The following SPTBN1 variants were observed in gnomAD, a reference collection of about 807,000 sequenced individuals.
SPTBN1 encodes spectrin beta, non-erythrocytic 1.
Under a neutral mutation model 266.4 loss-of-function variants are expected in SPTBN1, and 32 were observed. The observed-to-expected ratio is 0.12, with a 90% CI of 0.09 to 0.16. SPTBN1 has a LOEUF of 0.16. Among genes scored for constraint, SPTBN1 ranks in the 10% least tolerant of loss-of-function variants. The probability of loss-of-function intolerance (pLI) is 1.00; values close to 1 mark genes in which losing one functional copy is unlikely to be tolerated. For synonymous variants in SPTBN1, 1,336 were observed against 1,162.2 expected (o/e 1.15, Z -3.04); for missense variants, 2,296 against 3,067.1 (o/e 0.75, Z 5.94).
intron 1 of SPTBN1, among the ~76,000 whole-genome samples, chr2:54,507,372 A>G (rs1449659492): frequency 1.3e-5 from 2 of 152,050 alleles, no homozygotes; most frequent in Non-Finnish European, 2.9e-5. Flanking sequence ...GGGGGGTGGT[A>G]TGGAGAGATA....
chr2:54,474,294 C>T (rs1667690560), intron 1 of SPTBN1, among the ~76,000 whole-genome samples: 1 of 152,090 alleles, frequency 6.6e-6, no homozygotes. Flanking sequence ...TGGTGATAAC[C>T]TAAAAGTCCA....
At chr2:54,611,761 A>C (rs1285316598) in intron 3 of SPTBN1, among the ~76,000 whole-genome samples, 1 of 152,158 alleles carries the variant, frequency 6.6e-6, no homozygotes, top group Non-Finnish European at 1.5e-5. Context: ...GCAGGTGGCA[A>C]ACCTAATTTT....
At chr2:54,463,765 T>C (rs1693489545) in intron 1 of SPTBN1, among the ~76,000 whole-genome samples, 1 of 152,214 alleles carries the variant, frequency 6.6e-6, no homozygotes, top group South Asian at 2.1e-4. Context: ...TTCTAGCAAA[T>C]AACAATCATT....
In SPTBN1 at chr2:54,645,272, A is replaced by C. The variant is rs1385890976; in HGVS notation, c.4313A>C (p.Glu1438Ala). Residue 1438 changes from glutamate (E) to alanine (A), a missense_variant, in exon 21 of 36, where the codon GAG becomes GCG. Glu to Ala is a moderately radical substitution (Grantham distance 107, BLOSUM62 -1). Around this residue, in one of 12 missense-constraint regions of SPTBN1, gnomAD observed 386 missense variants for 486.1 expected, o/e 0.79. Coordinates refer to ENST00000356805, the MANE Select transcript of SPTBN1 (RefSeq NM_003128.3). This position sits in a 1 kb window ranked among gnomAD's most constrained non-coding sequence, Gnocchi z 4.3. Reference sequence around the variant, plus strand: ...GAAGTGCGGAAGAAGGAGATCGAAGAGCTCCAAAGCCAAGCCCAGGCCCTG... The same window carrying C: ...GAAGTGCGGAAGAAGGAGATCGAAGCGCTCCAAAGCCAAGCCCAGGCCCTG... Reference protein sequence around the residue: ...QMEVRKKEIEELQSQAQALSQ... With the variant: ...QMEVRKKEIEALQSQAQALSQ... The C allele has an allele frequency of 6.2e-7, 1 of 1,614,072 alleles. No individual in the cohort carries two copies. The highest frequency in any genetic ancestry group is 8.5e-7 in the Non-Finnish European group (1 of 1,180,036).
chr2:54,564,147 A>G (rs948704316), intron 2 of SPTBN1, among the ~76,000 whole-genome samples: 1 of 152,240 alleles, frequency 6.6e-6, no homozygotes, highest in Non-Finnish European at 1.5e-5. Context: ...TGCATTAAGA[A>G]TATTGACAGT....
chr2:54,611,241 A>G (rs1259764051), intron 3 of SPTBN1, among the ~76,000 whole-genome samples: 1 of 152,160 alleles, frequency 6.6e-6, no homozygotes, highest in Admixed American at 6.5e-5. Flanking sequence ...CATTCATCTG[A>G]ATCTTTTCAA....
At chr2:54,588,521 T>G (rs1318107058) in intron 2 of SPTBN1, among the ~76,000 whole-genome samples, 1 of 152,154 alleles carries the variant, frequency 6.6e-6, no homozygotes, top group East Asian at 1.9e-4. Flanking sequence ...TTCTGGGTGT[T>G]TATTTGCTAG....
intron 2 of SPTBN1, among the ~76,000 whole-genome samples, chr2:54,581,974 GT>G (rs1353404954): frequency 1.3e-5 from 2 of 152,056 alleles, no homozygotes; most frequent in Non-Finnish European, 2.9e-5. Flanking sequence ...CTGCTCTGTG[GT>G]TTGGTGCATG....
intron 2 of SPTBN1, among the ~76,000 whole-genome samples, chr2:54,596,468 G>A (rs1676099222): frequency 6.6e-6 from 1 of 152,140 alleles, no homozygotes. Context: ...TCCGTTTCCT[G>A]CCCCTCGTGT....
chr2:54,650,086 A>G, intron 26 of SPTBN1, 97 bp downstream of exon 26: 2 of 1,458,022 alleles, frequency 1.4e-6, no homozygotes, highest in Admixed American at 2.2e-5. Context: ...TGGCTCTTCA[A>G]AAGAATTGCC....
At chr2:54,620,348 T>A (rs1355988192) in intron 7 of SPTBN1, among the ~76,000 whole-genome samples, 1 of 152,166 alleles carries the variant, frequency 6.6e-6, no homozygotes, top group African/African-American at 2.4e-5. Context: ...TTGTATTGGG[T>A]GGTAACTTTT....
At chr2:54,486,178 T>C (rs902211114) in intron 1 of SPTBN1, among the ~76,000 whole-genome samples, 2 of 150,588 alleles carry the variant, frequency 1.3e-5, no homozygotes, top group African/African-American at 4.9e-5. Flanking sequence ...TGCTGGGAAG[T>C]GAGGAGCCCC....
intron 1 of SPTBN1, among the ~76,000 whole-genome samples, chr2:54,482,312 C>T (rs1363412973): frequency 6.7e-6 from 1 of 148,712 alleles, no homozygotes; most frequent in African/African-American, 2.5e-5. Context: ...TCCAGAAGTT[C>T]AAGACCAGCT....
At chr2:54,564,944 A>G (rs1390153492) in intron 2 of SPTBN1, among the ~76,000 whole-genome samples, 1 of 152,218 alleles carries the variant, frequency 6.6e-6, no homozygotes, top group Non-Finnish European at 1.5e-5. Context: ...AATATTTGCT[A>G]AAGAGCAAAA....
intron 2 of SPTBN1, among the ~76,000 whole-genome samples, chr2:54,531,629 A>G (rs892721811): frequency 1.2e-4 from 18 of 151,354 alleles, no homozygotes; most frequent in Non-Finnish European, 1.8e-4. Flanking sequence ...TTAATGTAGA[A>G]ATCAGGCCTG....
rs1211721013 is a variant in SPTBN1, at chr2:54,653,164, C to T, written c.5578-445C>T. 6.4e-6 allele frequency: 1 copy of T among 156,236 alleles called. No homozygotes were observed. Among genetic ancestry groups the T allele is most frequent in the Non-Finnish European group, 1.4e-5 (1 of 70,918 alleles). The allele number at this position is 156,236 out of a possible 1,614,324, so 9.7% of individuals were successfully genotyped here. On this transcript the variant is annotated intron_variant, in intron 26 of 35. Coordinates refer to ENST00000356805, the MANE Select transcript of SPTBN1 (RefSeq NM_003128.3). The surrounding 1 kb of genome is among the most constrained non-coding windows in gnomAD (Gnocchi z 5.1). ...TGAGAACTCTTACAGGCGATACATA[C>T]ATTGTATTCACATAGCAATGAGAAG...
intron 2 of SPTBN1, among the ~76,000 whole-genome samples, chr2:54,589,585 C>T (rs1022209464): frequency 1.3e-5 from 2 of 152,190 alleles, no homozygotes; most frequent in African/African-American, 4.8e-5. Context: ...TGTGTTTTGT[C>T]CATGATGCAA....
chr2:54,459,088 A>G (rs1206740049), intron 1 of SPTBN1, among the ~76,000 whole-genome samples: 1 of 152,176 alleles, frequency 6.6e-6, no homozygotes, highest in Non-Finnish European at 1.5e-5. Flanking sequence ...ACTTTGTTGT[A>G]AGAAATATCC....
At chr2:54,639,338 C>T (rs1205929101) in intron 18 of SPTBN1, among the ~76,000 whole-genome samples, 5 of 152,166 alleles carry the variant, frequency 3.3e-5, no homozygotes, top group Admixed American at 6.5e-5. Context: ...ATTGGTAGTC[C>T]CTGTTTCACC....
Sources: gnomAD v4.1 joint callset for allele counts (sites outside exome capture counted in the v4.1 genomes callset) on GRCh38, gnomAD v4.1.1 for gene constraint, gnomAD v4.1.1 regional missense constraint, Gnocchi (gnomAD v3.1) non-coding constraint, MANE v1.5 for transcripts, NCBI Gene and HGNC (gene_info 2026-07-23, HGNC 2026-07-21) for gene names.